Variants in PANK1 observed in about 807,000 individuals in gnomAD.
PANK1 encodes the protein pantothenate kinase 1, also known as pantothenic acid kinase 1.
Under a neutral mutation model 40.1 loss-of-function variants are expected in PANK1, and 18 were observed. The observed-to-expected ratio is 0.45, with a 90% CI of 0.31 to 0.67. The LOEUF is 0.67. Among genes scored for constraint, PANK1 ranks in the 30% least tolerant of loss-of-function variants. PANK1 has a pLI of 0.06. For missense variants in PANK1, 457 were observed against 599.6 expected, an observed-to-expected ratio of 0.76 and a Z score of 2.48; for synonymous variants, 242 against 237.7, an observed-to-expected ratio of 1.02 and a Z score of -0.17.
intron 3 of PANK1, among the ~76,000 whole-genome samples, chr10:89,596,538 A>G (rs1237765787): frequency 6.6e-6 from 1 of 152,234 alleles, no homozygotes; most frequent in Admixed American, 6.5e-5. Context: ...ATGGCTGCAG[A>G]AGAGCCAAAT....
chr10:89,622,884 A>G (rs1302541963), intron 1 of PANK1, among the ~76,000 whole-genome samples: 1 of 152,136 alleles, frequency 6.6e-6, no homozygotes. Context: ...ATAATAAGAA[A>G]ACTAATTTAT....
intron 1 of PANK1, among the ~76,000 whole-genome samples, chr10:89,620,130 C>T (rs571140006): frequency 6.6e-6 from 1 of 152,288 alleles, no homozygotes; most frequent in Non-Finnish European, 1.5e-5. Flanking sequence ...CCCCTCAGGA[C>T]CCTGTGTTGA....
intron 1 of PANK1, among the ~76,000 whole-genome samples, chr10:89,616,451 A>G (rs546336332): frequency 2.6e-5 from 4 of 152,340 alleles, no homozygotes; most frequent in African/African-American, 9.6e-5. Context: ...TATGAGAATC[A>G]ATTATATTTA....
Position 89,599,343 on chromosome 10 carries a change from G to C in PANK1, c.808C>G (p.Pro270Ala), listed in dbSNP as rs752602592. The part of the protein sequence containing the change: ...CQKKPYCLDN[P>A]YPMLLVNMGS... ...ATGTTAACCAGCAACATAGGGTATGGGTTATCAAGGCAGTACGGCTTTTTT... is the reference window on the plus strand; with the variant it reads ...ATGTTAACCAGCAACATAGGGTATGCGTTATCAAGGCAGTACGGCTTTTTT... Residue 270 changes from proline (P) to alanine (A), a missense_variant, in exon 3 of 7, where the codon CCA becomes GCA. Physicochemically the swap from Pro to Ala is conservative, Grantham distance 27. This residue lies in a region of PANK1 where 286 missense variants were observed against 415.8 expected (regional missense o/e 0.69). Coordinates refer to ENST00000307534, the MANE Select transcript of PANK1 (RefSeq NM_148977.3). The C allele has an allele frequency of 5.6e-6, 9 of 1,613,374 alleles. No homozygotes were observed. Among genetic ancestry groups the C allele is most frequent in the South Asian group, 2.2e-5 (2 of 91,076 alleles).
At chr10:89,601,134 A>G (rs1442151195) in intron 2 of PANK1, among the ~76,000 whole-genome samples, 1 of 151,898 alleles carries the variant, frequency 6.6e-6, no homozygotes, top group African/African-American at 2.4e-5. Flanking sequence ...CAAGTACTAG[A>G]CTCAGATATT....
Position 89,584,133 on chromosome 10 carries a change from T to A in PANK1, c.*273A>T, listed in dbSNP as rs1017691283. 5.6e-6 allele frequency: 2 copies of A among 358,376 alleles called. No homozygotes were observed. Among genetic ancestry groups the A allele is most frequent in the Non-Finnish European group, 1.0e-5 (2 of 197,934 alleles). 22.2% of individuals were successfully genotyped at this position (358,376 alleles called of 1,614,324 possible). On this transcript the variant is annotated 3_prime_UTR_variant, in exon 7 of 7. Transcript: ENST00000307534. Reference sequence around the variant, plus strand: ...ACATCAAACAACTTTTCAAAGTTAATGCATACAATTGGTAGGTTTGGCCAC... The same window carrying A: ...ACATCAAACAACTTTTCAAAGTTAAAGCATACAATTGGTAGGTTTGGCCAC...
intron 2 of PANK1, among the ~76,000 whole-genome samples, chr10:89,605,504 C>A (rs1844937040): frequency 6.6e-6 from 1 of 152,162 alleles, no homozygotes; most frequent in Non-Finnish European, 1.5e-5. Context: ...TTTTCTTTGC[C>A]CATCCATAAG....
intron 2 of PANK1, among the ~76,000 whole-genome samples, chr10:89,608,478 G>T (rs1236258533): frequency 6.6e-6 from 1 of 152,178 alleles, no homozygotes; most frequent in Non-Finnish European, 1.5e-5. Flanking sequence ...TAATGATTGT[G>T]TCATGGTTTA....
intron 5 of PANK1, among the ~76,000 whole-genome samples, chr10:89,591,598 G>A (rs952200336): frequency 1.3e-5 from 2 of 152,154 alleles, no homozygotes; most frequent in Non-Finnish European, 2.9e-5. Context: ...TCACTGGTGC[G>A]GCCACTGGGA....
At chr10:89,618,958 C>A (rs1180315891) in intron 1 of PANK1, among the ~76,000 whole-genome samples, 1 of 152,198 alleles carries the variant, frequency 6.6e-6, no homozygotes, top group African/African-American at 2.4e-5. Context: ...TACAGAATAA[C>A]CTTGCCTATG....
intron 2 of PANK1, among the ~76,000 whole-genome samples, chr10:89,609,277 C>A (rs1201927955): frequency 6.6e-6 from 1 of 152,176 alleles, no homozygotes; most frequent in African/African-American, 2.4e-5. Flanking sequence ...GTTGGCCAGG[C>A]TGGTTCAAAC....
intron 1 of PANK1, chr10:89,643,866 T>C: frequency 6.8e-7 from 1 of 1,468,424 alleles, no homozygotes; most frequent in Non-Finnish European, 9.0e-7. Flanking sequence ...ATACAAGCTT[T>C]AGATTGTGAA....
chr10:89,595,887 A>AATAT (rs531580439), intron 3 of PANK1, among the ~76,000 whole-genome samples: 1 of 118,744 alleles, frequency 8.4e-6, no homozygotes, highest in African/African-American at 3.2e-5. Context: ...TTCATTTACT[A>AATAT]ATATATATAT....
chr10:89,629,449 G>A lies in PANK1; in HGVS notation c.292+15151C>T, dbSNP rs191792743. ...TATGAACATTCAAAATATTTTATTC[G>A]CCTGGGATCATTTAGTTTTGGGGCA... On this transcript the variant is annotated intron_variant, in intron 1 of 6. Coordinates refer to ENST00000307534, the MANE Select transcript of PANK1 (RefSeq NM_148977.3). 2.7e-3 allele frequency among the ~76,000 whole-genome samples: 407 copies of A among 152,226 alleles called. 2 individuals are homozygous for A. Among genetic ancestry groups the A allele is most frequent in the Non-Finnish European group, 3.7e-3 (249 of 68,002 alleles).
At chr10:89,610,310 G>A (rs527894615) in intron 2 of PANK1, among the ~76,000 whole-genome samples, 4 of 152,208 alleles carry the variant, frequency 2.6e-5, no homozygotes, top group African/African-American at 9.6e-5. Flanking sequence ...TTCCATTATG[G>A]ACTGAAACTT....
At chr10:89,643,896 T>C (rs998078160) in intron 1 of PANK1, 11 of 1,408,460 alleles carry the variant, frequency 7.8e-6, no homozygotes, top group Non-Finnish European at 1.0e-5. Flanking sequence ...TTCGGCTTTC[T>C]CCGGTGTACA....
chr10:89,599,620 C>A, intron 2 of PANK1, 115 bp from the exon 3 acceptor site: 1 of 1,014,014 alleles, frequency 9.9e-7, no homozygotes. Flanking sequence ...TGGAGACACC[C>A]TTAAAACAAG....
intron 1 of PANK1, among the ~76,000 whole-genome samples, chr10:89,619,679 G>A (rs76575922): frequency 6.6e-6 from 1 of 152,320 alleles, no homozygotes; most frequent in African/African-American, 2.4e-5. Context: ...GCCAGTTGCT[G>A]CCATGGAGAG....
intron 1 of PANK1, chr10:89,643,788 C>T: frequency 6.2e-7 from 1 of 1,609,974 alleles, no homozygotes; most frequent in South Asian, 1.1e-5. Flanking sequence ...CAGCTGTAAA[C>T]TCGACCTACA....
Sources: allele counts gnomAD v4.1 joint callset (sites outside exome capture counted in the v4.1 genomes callset), GRCh38; gene constraint gnomAD v4.1.1; regional missense constraint gnomAD v4.1.1; transcripts MANE v1.5; gene names NCBI Gene and HGNC (gene_info 2026-07-23, HGNC 2026-07-21).